ZNRF1: variants seen among roughly 807,000 people sequenced by gnomAD.
ZNRF1 encodes the protein zinc and ring finger 1.
ZNRF1 carries 3 observed loss-of-function variants against 18.4 expected under a neutral mutation model. The observed-to-expected ratio is 0.16, with a 90% confidence interval of 0.07 to 0.42. The LOEUF is 0.42. ZNRF1 is among the 10% of genes least tolerant of loss of function. ZNRF1 has a pLI of 0.99. For synonymous variants in ZNRF1, 157 were observed against 144.2 expected (o/e 1.09, Z -0.64); for missense variants, 310 against 329.8 (o/e 0.94, Z 0.47).
rs1279673833 is a variant in ZNRF1, at chr16:75,018,372, T to G, written c.424+18277T>G. ...AGAGAATCACACCCTTTGCAAATAA[T>G]GACTGTTTTGTTTCCTCTTTTGTAA... is the stretch of plus-strand genomic sequence containing the variant. On this transcript the variant is annotated intron_variant, in intron 1 of 4. Transcript: ENST00000335325. 3.9e-5 allele frequency among the ~76,000 whole-genome samples: 6 copies of G among 152,342 alleles called. No individual in the cohort carries two copies. The South Asian group carries it at 1.2e-3, about 32-fold the overall frequency.
chr16:75,006,466 C>G (rs914428819), intron 1 of ZNRF1, among the ~76,000 whole-genome samples: 1 of 152,172 alleles, frequency 6.6e-6, no homozygotes, highest in African/African-American at 2.4e-5. Flanking sequence ...GACAGAGTCT[C>G]ACTCTGTCAC....
intron 1 of ZNRF1, among the ~76,000 whole-genome samples, chr16:75,092,326 T>C (rs2036149666): frequency 6.6e-6 from 1 of 152,046 alleles, no homozygotes; most frequent in Non-Finnish European, 1.5e-5. Flanking sequence ...AAAATCCACA[T>C]GGAAGTGGAG....
In ZNRF1 at chr16:75,110,413, C is replaced by T. The variant is rs2036368866; in HGVS notation, c.*2713C>T. 6.6e-6 allele frequency: 1 copy of T among 152,236 alleles called. No individual in the cohort carries two copies. The highest frequency in any genetic ancestry group is 6.5e-5 in the Admixed American group (1 of 15,290). The allele number at this position is 152,236 out of a possible 1,614,324, so 9.4% of individuals were successfully genotyped here. On this transcript the variant is annotated 3_prime_UTR_variant, in exon 5 of 5. Transcript: ENST00000335325. ...GGGCCTAGCACACTTTGATGAGGTT[C>T]CTGGACGTGAGACCCTCACAAAGAC...
chr16:75,014,914 T>TAATATTAAACATA, intron 1 of ZNRF1, among the ~76,000 whole-genome samples: 1 of 152,200 alleles, frequency 6.6e-6, no homozygotes, highest in Admixed American at 6.5e-5. Flanking sequence ...ATTAATGTAT[T>TAATATTAAACATA]AATATTGTAT....
intron 1 of ZNRF1, among the ~76,000 whole-genome samples, chr16:75,042,514 CCTTT>C (rs1442535028): frequency 6.9e-6 from 1 of 144,236 alleles, no homozygotes; most frequent in Admixed American, 7.2e-5. Flanking sequence ...AAAAGACCAT[CCTTT>C]CTTCCTGAAT....
At chr16:75,105,164 A>G in intron 3 of ZNRF1, 1 of 366,800 alleles carries the variant, frequency 2.7e-6, no homozygotes, top group East Asian at 5.9e-5. Context: ...AGAGCCTCAC[A>G]GGTTGGAGGA....
intron 1 of ZNRF1, among the ~76,000 whole-genome samples, chr16:75,087,809 G>T (rs757791258): frequency 4.6e-5 from 7 of 152,216 alleles, no homozygotes; most frequent in African/African-American, 1.7e-4. Flanking sequence ...GCAAGCCCGA[G>T]CAAACTGACA....
At chr16:75,034,717 C>G (rs1232877448) in intron 1 of ZNRF1, among the ~76,000 whole-genome samples, 1 of 152,150 alleles carries the variant, frequency 6.6e-6, no homozygotes, top group Non-Finnish European at 1.5e-5. Context: ...GCCTCTGCCC[C>G]CTGGGTTCAA....
intron 2 of ZNRF1, among the ~76,000 whole-genome samples, chr16:75,099,180 A>C (rs2036229982): frequency 6.6e-6 from 1 of 152,314 alleles, no homozygotes; most frequent in African/African-American, 2.4e-5. Context: ...AGTCATCACC[A>C]CTTAGCAGCT....
intron 1 of ZNRF1, among the ~76,000 whole-genome samples, chr16:75,080,592 A>G (rs4309431): frequency 0.02 from 3,005 of 152,198 alleles, 48 homozygotes; most frequent in Non-Finnish European, 0.031. Flanking sequence ...AGTTTCCTTC[A>G]TTGTCCTTTT....
chr16:75,024,982 C>T (rs2035201282), intron 1 of ZNRF1, among the ~76,000 whole-genome samples: 1 of 152,164 alleles, frequency 6.6e-6, no homozygotes, highest in African/African-American at 2.4e-5. Context: ...GCTTGTTTCA[C>T]AACTTCTCTT....
At chr16:75,033,361 A>G (rs559140694) in intron 1 of ZNRF1, among the ~76,000 whole-genome samples, 1 of 151,718 alleles carries the variant, frequency 6.6e-6, no homozygotes, top group East Asian at 1.9e-4. Flanking sequence ...ACAATATTGC[A>G]ACTTCCAATT....
chr16:75,062,306 C>T (rs967137412), intron 1 of ZNRF1, among the ~76,000 whole-genome samples: 9 of 152,198 alleles, frequency 5.9e-5, no homozygotes, highest in South Asian at 2.1e-4. Context: ...AGCAGAGGCC[C>T]GTGACCATCA....
chr16:75,011,631 A>C (rs745764164), intron 1 of ZNRF1, among the ~76,000 whole-genome samples: 9 of 152,216 alleles, frequency 5.9e-5, no homozygotes, highest in Non-Finnish European at 1.0e-4. Flanking sequence ...CTGGTTAGCT[A>C]TGACTGAAAC....
At chr16:75,063,445 C>T (rs2035766312) in intron 1 of ZNRF1, among the ~76,000 whole-genome samples, 1 of 152,176 alleles carries the variant, frequency 6.6e-6, no homozygotes. Context: ...TCTGATGTCT[C>T]CCACCTCCAT....
intron 1 of ZNRF1, among the ~76,000 whole-genome samples, chr16:75,078,516 C>G (rs926779336): frequency 1.1e-4 from 16 of 152,092 alleles, no homozygotes; most frequent in African/African-American, 3.4e-4. Flanking sequence ...TCAGGCTGGT[C>G]TCGAACTCCC....
chr16:75,068,843 C>G (rs1021612661), intron 1 of ZNRF1, among the ~76,000 whole-genome samples: 12 of 152,122 alleles, frequency 7.9e-5, no homozygotes, highest in Admixed American at 6.5e-4. Context: ...TCCCTTTTCA[C>G]CCAACATCTA....
chr16:75,080,776 A>G (rs2036000712), intron 1 of ZNRF1, among the ~76,000 whole-genome samples: 1 of 152,140 alleles, frequency 6.6e-6, no homozygotes, highest in Non-Finnish European at 1.5e-5. Flanking sequence ...TGAGGGGCTG[A>G]GGTAGGAGGA....
At chr16:75,087,542 C>A (rs1456330395) in intron 1 of ZNRF1, among the ~76,000 whole-genome samples, 1 of 152,190 alleles carries the variant, frequency 6.6e-6, no homozygotes, top group African/African-American at 2.4e-5. Context: ...GAAACCAGGT[C>A]TCCATTAGAA....
Sources: gnomAD v4.1 joint callset for allele counts (sites outside exome capture counted in the v4.1 genomes callset) on GRCh38, gnomAD v4.1.1 for gene constraint, MANE v1.5 for transcripts, NCBI Gene and HGNC (gene_info 2026-07-23, HGNC 2026-07-21) for gene names.